The following DDB1 variants were observed in gnomAD, a reference collection of about 807,000 sequenced individuals.
The protein encoded by DDB1 is DNA damage-binding protein 1.
Under a neutral mutation model 133.1 loss-of-function variants are expected in DDB1, and 18 were observed. The observed-to-expected ratio is 0.14, with a 90% CI of 0.09 to 0.20. DDB1 has a LOEUF of 0.20. Among genes scored for constraint, DDB1 ranks in the 10% least tolerant of loss-of-function variants. The probability of loss-of-function intolerance (pLI) is 1.00; values close to 1 mark genes in which losing one functional copy is unlikely to be tolerated. For missense variants in DDB1, 828 were observed against 1,459.2 expected (o/e 0.57, Z 7.05); for synonymous variants, 580 against 550.5 (o/e 1.05, Z -0.75).
intron 2 of DDB1, among the ~76,000 whole-genome samples, chr11:61,331,341 C>T (rs978084350): frequency 1.3e-5 from 2 of 152,154 alleles, no homozygotes; most frequent in Admixed American, 6.5e-5. Flanking sequence ...AGCCCAAGCA[C>T]GGTGGCATGC....
intron 4 of DDB1, 99 bp from the exon 5 acceptor site, chr11:61,326,992 C>G: frequency 1.2e-6 from 1 of 820,798 alleles, no homozygotes; most frequent in African/African-American, 1.7e-5. Context: ...CAGCATCTGA[C>G]AGTCCTGTCA....
At chr11:61,316,134 G>A (rs751177359) in intron 12 of DDB1, 151 bp downstream of exon 12, 4 of 673,874 alleles carry the variant, frequency 5.9e-6, no homozygotes, top group African/African-American at 1.8e-5. Flanking sequence ...TGTGATCTCT[G>A]AGTAGTGGAT....
Position 61,313,871 on chromosome 11 carries a change from T to C in DDB1, c.1852A>G (p.Ile618Val). 1.2e-6 allele frequency: 2 copies of C among 1,614,128 alleles called. No individual in the cohort carries two copies. Among genetic ancestry groups the C allele is most frequent in the Middle Eastern group, 1.6e-4 (1 of 6,062 alleles). Residue 618 changes from isoleucine to valine, a missense_variant, in exon 15 of 27, where the codon ATT (isoleucine) becomes GTT (valine). By Grantham distance (29) the Ile-to-Val change is conservative. Around this residue, in one of 7 missense-constraint regions of DDB1, gnomAD observed 396 missense variants for 554.1 expected, o/e 0.71. Transcript: ENST00000301764. ...AAAATACTACTCTCACCTGTCTCAATGTTGAGCCCAAAGTAGAAAAGCGCT... is the reference window on the plus strand; with the variant it reads ...AAAATACTACTCTCACCTGTCTCAACGTTGAGCCCAAAGTAGAAAAGCGCT... ...DGALFYFGLN[I>V]ETGLLSDRKK... is the part of the protein sequence containing the mutation.
intron 2 of DDB1, among the ~76,000 whole-genome samples, chr11:61,330,652 TG>T (rs1311430977): frequency 6.6e-5 from 10 of 152,094 alleles, no homozygotes; most frequent in African/African-American, 2.4e-4. Context: ...TGATGGTAAT[TG>T]TTTTTTTTGT....
chr11:61,323,826 ACTCATT>A, intron 7 of DDB1, 147 bp downstream of exon 7: 1 of 765,482 alleles, frequency 1.3e-6, no homozygotes, highest in Non-Finnish European at 2.2e-6. Flanking sequence ...CCAATACCTA[ACTCATT>A]CAACAGTCAA....
In DDB1 at chr11:61,329,911, A is replaced by G. The variant is rs982727320; in HGVS notation, c.327+47T>C. On this transcript the variant is annotated intron_variant, in intron 3 of 26. Coordinates refer to ENST00000301764, the MANE Select transcript of DDB1 (RefSeq NM_001923.5). ...ACTTTAATTTTTTCCATGAATCATG[A>G]CAGCCCTACTTAGAAAACTTTCATT... The G allele has an allele frequency of 3.4e-6, 5 of 1,488,682 alleles. No individual in the cohort carries two copies. In the African/African-American group the frequency reaches 6.9e-5, roughly 21 times the overall value. The allele number at this position is 1,488,682 out of a possible 1,614,324, so 92.2% of individuals were successfully genotyped here. A position where few individuals can be genotyped will look rare whatever the true frequency, so the allele number is the denominator to read the frequency against.
chr11:61,331,716 T>C, intron 1 of DDB1, 25 bp from the exon 2 acceptor site: 1 of 1,612,800 alleles, frequency 6.2e-7, no homozygotes, highest in Non-Finnish European at 8.5e-7. Context: ...CCTCTAACTT[T>C]TGAACTCAGG....
At chr11:61,325,456 C>G (rs1436810574) in intron 6 of DDB1, among the ~76,000 whole-genome samples, 155 bp downstream of exon 6, 3 of 152,196 alleles carry the variant, frequency 2.0e-5, no homozygotes, top group African/African-American at 7.2e-5. Flanking sequence ...TAATCTCTCT[C>G]TGTATTCCCA....
At chr11:61,329,918 T>TACTTAGAAA (rs1393706751) in intron 3 of DDB1, 40 bp downstream of exon 3, 1 of 1,530,334 alleles carries the variant, frequency 6.5e-7, no homozygotes, top group Middle Eastern at 1.7e-4. Flanking sequence ...ATGACAGCCC[T>TACTTAGAAA]ACTTAGAAAA....
At chr11:61,309,101 G>C (rs746439617) in intron 20 of DDB1, 24 bp from the exon 21 acceptor site, 1 of 1,603,852 alleles carries the variant, frequency 6.2e-7, no homozygotes, top group East Asian at 2.2e-5. Flanking sequence ...AAATATGTTT[G>C]AGTCTCTATG....
chr11:61,330,807 C>G (rs1325959172), intron 2 of DDB1, among the ~76,000 whole-genome samples: 1 of 152,106 alleles, frequency 6.6e-6, no homozygotes, highest in Non-Finnish European at 1.5e-5. Flanking sequence ...AGGCACGTGC[C>G]ACCACACCCG....
intron 21 of DDB1, among the ~76,000 whole-genome samples, chr11:61,304,298 G>C (rs763894860): frequency 2.0e-5 from 3 of 151,908 alleles, no homozygotes; most frequent in Non-Finnish European, 4.4e-5. Context: ...CCACGTAAAG[G>C]AAACAGTAAT....
At chr11:61,314,616 C>G (rs1230842968) in intron 12 of DDB1, 130 bp from the exon 13 acceptor site, 5 of 932,110 alleles carry the variant, frequency 5.4e-6, no homozygotes, top group Non-Finnish European at 7.8e-6. Context: ...TTCTTATTCC[C>G]CAAAGTCCTG....
chr11:61,312,162 G>A, intron 16 of DDB1, 78 bp from the exon 17 acceptor site: 1 of 1,278,340 alleles, frequency 7.8e-7, no homozygotes, highest in Non-Finnish European at 1.1e-6. Context: ...CACAGAGGAA[G>A]AAAAACAAGG....
intron 10 of DDB1, among the ~76,000 whole-genome samples, chr11:61,317,564 T>C (rs1856112214): frequency 6.6e-6 from 1 of 152,122 alleles, no homozygotes; most frequent in African/African-American, 2.4e-5. Context: ...TGGGGTGCAA[T>C]GGCACGATCT....
At chr11:61,326,715 C>G in intron 5 of DDB1, 64 bp downstream of exon 5, 1 of 1,340,332 alleles carries the variant, frequency 7.5e-7, no homozygotes, top group Non-Finnish European at 1.1e-6. Flanking sequence ...GGTGAGGGAG[C>G]GAACAAGAAC....
chr11:61,329,092 A>G (rs1001390272), intron 4 of DDB1, among the ~76,000 whole-genome samples: 12 of 152,186 alleles, frequency 7.9e-5, no homozygotes, highest in African/African-American at 1.2e-4. Context: ...GGGTCATCCT[A>G]TGAAATCTCC....
intron 21 of DDB1, among the ~76,000 whole-genome samples, chr11:61,307,727 C>T (rs1478834380): frequency 6.6e-6 from 1 of 152,134 alleles, no homozygotes; most frequent in African/African-American, 2.4e-5. Flanking sequence ...CTTAGATAAC[C>T]ACTGAAACTG....
intron 12 of DDB1, 35 bp from the exon 13 acceptor site, chr11:61,314,521 C>A (rs1286166223): frequency 1.3e-6 from 2 of 1,583,730 alleles, no homozygotes; most frequent in East Asian, 4.5e-5. Flanking sequence ...TGTCTCCAAG[C>A]ATCTGCCAGG....
Sources: allele counts gnomAD v4.1 joint callset (sites outside exome capture counted in the v4.1 genomes callset), GRCh38; gene constraint gnomAD v4.1.1; regional missense constraint gnomAD v4.1.1; transcripts MANE v1.5; gene names NCBI Gene and HGNC (gene_info 2026-07-23, HGNC 2026-07-21).